FARP1: variants seen among roughly 807,000 people sequenced by gnomAD.
The protein encoded by FARP1 is FERM, ARH/RhoGEF and pleckstrin domain protein 1.
Under a neutral mutation model 128.8 loss-of-function variants are expected in FARP1, and 52 were observed. That is an observed-to-expected ratio of 0.40 (90% CI 0.32 to 0.51). The LOEUF (loss-of-function observed/expected upper bound fraction) is 0.51, where lower values mean the gene tolerates loss of function less well. Ranked by LOEUF, FARP1 falls within the 20% of genes least tolerant of loss-of-function variation. The pLI, the probability that FARP1 is intolerant of heterozygous loss-of-function variation, is 0.45. For synonymous variants in FARP1, 580 were observed against 551.8 expected (o/e 1.05, Z -0.72); for missense variants, 1,333 against 1,367.9 (o/e 0.97, Z 0.40).
chr13:98,311,258 A>G (rs992982929), intron 2 of FARP1, among the ~76,000 whole-genome samples: 1 of 152,216 alleles, frequency 6.6e-6, no homozygotes, highest in African/African-American at 2.4e-5. Context: ...ACTGAAGCCC[A>G]AAATGATCAG....
At chr13:98,439,899 CTCAGGGATGT>C in intron 21 of FARP1, 52 bp from the exon 22 acceptor site, 2 of 1,229,256 alleles carry the variant, frequency 1.6e-6, no homozygotes, top group Non-Finnish European at 2.3e-6. Flanking sequence ...TGGCTGCCAG[CTCAGGGATGT>C]TTGGAAGTGC....
rs557309229 is a variant in FARP1, at chr13:98,369,208, A to G, written c.398+1013A>G. On this transcript the variant is annotated intron_variant, in intron 5 of 26. Transcript: ENST00000319562. Reference sequence around the variant, plus strand: ...CCAAAATGCTGGGATTATGTGCGTGAGCCACTGCGCCCAACCTCATTTTAT... The same window carrying G: ...CCAAAATGCTGGGATTATGTGCGTGGGCCACTGCGCCCAACCTCATTTTAT... 2.6e-5 allele frequency among the ~76,000 whole-genome samples: 4 copies of G among 152,290 alleles called. No individual in the cohort carries two copies. The South Asian group carries it at 8.3e-4, about 32-fold the overall frequency.
At chr13:98,244,644 A>G (rs1292717826) in intron 2 of FARP1, 5 of 1,614,204 alleles carry the variant, frequency 3.1e-6, no homozygotes, top group South Asian at 1.1e-5. Flanking sequence ...TATTTCTTAC[A>G]CAAACTGGGC....
chr13:98,253,080 A>G (rs906338246), intron 2 of FARP1, among the ~76,000 whole-genome samples: 1 of 152,230 alleles, frequency 6.6e-6, no homozygotes, highest in Admixed American at 6.5e-5. Flanking sequence ...AGTGTGGTGC[A>G]TTAATAGCTG....
intron 1 of FARP1, among the ~76,000 whole-genome samples, chr13:98,173,038 A>G (rs1877761222): frequency 6.6e-6 from 1 of 152,356 alleles, no homozygotes; most frequent in African/African-American, 2.4e-5. Context: ...TTCATAAATA[A>G]TAGTAGTTAA....
At chr13:98,147,437 A>G (rs1875652891) in intron 1 of FARP1, among the ~76,000 whole-genome samples, 1 of 152,332 alleles carries the variant, frequency 6.6e-6, no homozygotes, top group East Asian at 1.9e-4. Flanking sequence ...ACACATTAAA[A>G]AAAAGAAGAG....
intron 1 of FARP1, among the ~76,000 whole-genome samples, chr13:98,194,563 C>T (rs1370284501): frequency 3.3e-5 from 5 of 152,180 alleles, no homozygotes; most frequent in Non-Finnish European, 7.3e-5. Flanking sequence ...AAAATTGCAA[C>T]CTCAGGCATA....
chr13:98,401,746 A>G (rs1304724978), intron 13 of FARP1: 1 of 152,004 alleles, frequency 6.6e-6, no homozygotes, highest in African/African-American at 2.4e-5. Context: ...TTTTTTATTT[A>G]ACCCCTAGTG....
intron 2 of FARP1, among the ~76,000 whole-genome samples, chr13:98,264,632 CTACT>C (rs1357940336): frequency 6.6e-6 from 1 of 152,104 alleles, no homozygotes; most frequent in Admixed American, 6.5e-5. Context: ...CAGAAGTTCT[CTACT>C]TAATAAGGAA....
At chr13:98,427,273 T>G (rs751399573) in intron 17 of FARP1, among the ~76,000 whole-genome samples, 1 of 152,222 alleles carries the variant, frequency 6.6e-6, no homozygotes, top group South Asian at 2.1e-4. Flanking sequence ...TCAGACAGTA[T>G]GTAGTCACTG....
At chr13:98,297,289 C>T (rs1337677296) in intron 2 of FARP1, among the ~76,000 whole-genome samples, 7 of 152,196 alleles carry the variant, frequency 4.6e-5, no homozygotes, top group African/African-American at 1.2e-4. Context: ...GTCCAAATAA[C>T]GGAGCTGCCC....
intron 13 of FARP1, chr13:98,404,815 TGAGAA>T (rs1167576360): frequency 6.6e-6 from 1 of 152,146 alleles, no homozygotes; most frequent in Non-Finnish European, 1.5e-5. Context: ...AAAGAAAAAT[TGAGAA>T]TGCAATCAGT....
intron 2 of FARP1, among the ~76,000 whole-genome samples, chr13:98,312,430 C>T (rs151028284): frequency 0.011 from 1,637 of 152,264 alleles, 37 homozygotes; most frequent in African/African-American, 0.037. Context: ...TGAGACACTG[C>T]GCCCAGCCAG....
chr13:98,251,939 C>T (rs949629708), intron 2 of FARP1, among the ~76,000 whole-genome samples: 11 of 152,178 alleles, frequency 7.2e-5, no homozygotes, highest in Admixed American at 7.2e-4. Context: ...TCTCCGCCTC[C>T]TGGGTCCAAG....
At chr13:98,186,647 T>G (rs187863435) in intron 1 of FARP1, among the ~76,000 whole-genome samples, 6 of 152,134 alleles carry the variant, frequency 3.9e-5, no homozygotes, top group Non-Finnish European at 7.4e-5. Context: ...GTATATCCCA[T>G]GTTTTGTTTA....
At chr13:98,367,276 C>G (rs890831626) in intron 4 of FARP1, among the ~76,000 whole-genome samples, 3 of 152,112 alleles carry the variant, frequency 2.0e-5, no homozygotes, top group Admixed American at 2.0e-4. Context: ...CATGCCTCAG[C>G]CTCCTGAGTA....
rs369049225 is a variant in FARP1, at chr13:98,249,376, C to T, written c.171+35963C>T. 9.9e-5 allele frequency among the ~76,000 whole-genome samples: 15 copies of T among 152,218 alleles called. 2 individuals are homozygous for T. The highest frequency in any genetic ancestry group is 1.9e-4 in the East Asian group (1 of 5,190). On this transcript the variant is annotated intron_variant, in intron 2 of 26. Coordinates refer to ENST00000319562, the MANE Select transcript of FARP1 (RefSeq NM_005766.4). ...TGGGAACATAAAATTTTTAATGATA[C>T]GATACTTCTTTTATGTGACATGGTA...
chr13:98,344,036 G>C (rs1269974529), intron 3 of FARP1, among the ~76,000 whole-genome samples, 170 bp downstream of exon 3: 1 of 152,174 alleles, frequency 6.6e-6, no homozygotes, highest in Non-Finnish European at 1.5e-5. Context: ...TCTTGGTTTA[G>C]ACTAGCCATG....
chr13:98,447,169 G>A (rs1419616838), intron 26 of FARP1: 3 of 208,766 alleles, frequency 1.4e-5, no homozygotes, highest in South Asian at 8.8e-5. Flanking sequence ...AGAAAGAAAT[G>A]CAACAGTCAG....
Sources: allele counts gnomAD v4.1 joint callset (sites outside exome capture counted in the v4.1 genomes callset), GRCh38; gene constraint gnomAD v4.1.1; transcripts MANE v1.5; gene names NCBI Gene and HGNC (gene_info 2026-07-23, HGNC 2026-07-21).